The following NTRK2 variants were observed in gnomAD, a reference collection of about 807,000 sequenced individuals.
NTRK2 encodes the protein neurotrophic receptor tyrosine kinase 2, also known as BDNF/NT-3 growth factors receptor.
A neutral mutation model predicts 94.5 loss-of-function variants in NTRK2; 13 were observed. That is an observed-to-expected ratio of 0.14 (90% confidence interval 0.09 to 0.22). NTRK2 has a LOEUF of 0.22. NTRK2 is among the 10% of genes least tolerant of loss of function. The pLI is 1.00. For synonymous variants in NTRK2, 372 were observed against 407.4 expected (o/e 0.91, Z 1.05); for missense variants, 639 against 1,071.2 (o/e 0.60, Z 5.63).
intron 14 of NTRK2, chr9:84,876,166 G>A: frequency 1.1e-5 from 11 of 1,040,736 alleles, no homozygotes; most frequent in Non-Finnish European, 1.3e-5. Context: ...AGATAATAAT[G>A]GCATTTGGAC....
intron 14 of NTRK2, among the ~76,000 whole-genome samples, chr9:84,912,909 C>A (rs1025336297): frequency 6.6e-6 from 1 of 152,142 alleles, no homozygotes; most frequent in African/African-American, 2.4e-5. Flanking sequence ...AGCCACTGCA[C>A]CCGGCCTAAC....
At chr9:84,724,396 A>C in intron 8 of NTRK2, 40 bp downstream of exon 8, 1 of 1,613,464 alleles carries the variant, frequency 6.2e-7, no homozygotes, top group Non-Finnish European at 8.5e-7. Flanking sequence ...ATAGCAAATG[A>C]TCATGGACGT....
At chr9:84,796,293 C>T (rs1174415049) in intron 12 of NTRK2, among the ~76,000 whole-genome samples, 1 of 152,072 alleles carries the variant, frequency 6.6e-6, no homozygotes, top group Non-Finnish European at 1.5e-5. Context: ...TGCCTCAAGA[C>T]CTTAAAACTA....
intron 17 of NTRK2, among the ~76,000 whole-genome samples, chr9:84,971,963 G>C: frequency 6.6e-6 from 1 of 152,128 alleles, no homozygotes; most frequent in East Asian, 1.9e-4. Flanking sequence ...ACCTTGTTTT[G>C]GAATGGTCTG....
chr9:84,872,301 A>G, intron 14 of NTRK2: 4 of 1,112,456 alleles, frequency 3.6e-6, no homozygotes, highest in Non-Finnish European at 4.4e-6. Flanking sequence ...GCTGAAACAA[A>G]CAAACAGAAA....
rs576789405 is a variant in NTRK2, at chr9:84,739,707, A to G, written c.1160-2185A>G. 2.0e-5 allele frequency among the ~76,000 whole-genome samples: 3 copies of G among 152,052 alleles called. No homozygotes were observed. The East Asian group carries it at 5.8e-4, about 29-fold the overall frequency. On this transcript the variant is annotated intron_variant, in intron 9 of 18. Coordinates refer to ENST00000277120, the MANE Select transcript of NTRK2 (RefSeq NM_006180.6). ...GGGCCTGAGAATAAATCAGTGGCCA[A>G]CTCCTCCCAGGCTAAGGAGTGAAAG...
intron 14 of NTRK2, among the ~76,000 whole-genome samples, chr9:84,925,201 C>CTTTTT (rs562875058): frequency 0.033 from 4,651 of 141,066 alleles, 110 homozygotes; most frequent in Admixed American, 0.053. Flanking sequence ...TTCTCTTCTT[C>CTTTTT]TTTTTTTTTT....
rs182698240 is a variant in NTRK2, at chr9:84,823,620, G to A, written c.1397-37420G>A. ...GTGGAGGAGAATGCCCCATGCACAG[G>A]ATAGGGCTGCCCCTAGCCCAGCCCA... On this transcript the variant is annotated intron_variant, in intron 12 of 18. Transcript: ENST00000277120. 2.4e-3 allele frequency among the ~76,000 whole-genome samples: 372 copies of A among 152,372 alleles called. 4 individuals carry two copies. The highest frequency in any genetic ancestry group is 0.02 in the Admixed American group (311 of 15,302).
chr9:84,899,280 A>T (rs1383235598), intron 14 of NTRK2, among the ~76,000 whole-genome samples: 1 of 152,232 alleles, frequency 6.6e-6, no homozygotes, highest in East Asian at 1.9e-4. Context: ...AAATTATCTT[A>T]TCTAATTAGA....
intron 17 of NTRK2, among the ~76,000 whole-genome samples, chr9:84,982,201 G>A (rs1434546137): frequency 6.6e-6 from 1 of 152,288 alleles, no homozygotes; most frequent in Non-Finnish European, 1.5e-5. Flanking sequence ...CCTTTAGCTA[G>A]GGTTGCTTTT....
intron 17 of NTRK2, among the ~76,000 whole-genome samples, chr9:84,998,561 G>A (rs115193321): frequency 0.029 from 4,386 of 152,268 alleles, 153 homozygotes; most frequent in African/African-American, 0.075. Context: ...TGCCTCCACG[G>A]CCAAGGGGAA....
intron 14 of NTRK2, among the ~76,000 whole-genome samples, chr9:84,880,697 AAT>A (rs1393310215): frequency 7.9e-5 from 12 of 152,246 alleles, no homozygotes; most frequent in Admixed American, 7.8e-4. Flanking sequence ...CATGTTGACC[AAT>A]ATCTCATATA....
chr9:84,870,537 A>C (rs1489823585), intron 14 of NTRK2, among the ~76,000 whole-genome samples: 2 of 150,588 alleles, frequency 1.3e-5, no homozygotes, highest in African/African-American at 2.4e-5. Flanking sequence ...TTTTTTGTAG[A>C]GATATGGTTC....
At chr9:84,814,308 G>A in intron 12 of NTRK2, 1 of 1,065,410 alleles carries the variant, frequency 9.4e-7, no homozygotes. Context: ...CTTCAGGGGT[G>A]TGTGGAGTAA....
chr9:84,860,153 G>A (rs1024204953), intron 12 of NTRK2, among the ~76,000 whole-genome samples: 3 of 152,144 alleles, frequency 2.0e-5, no homozygotes, highest in Admixed American at 2.0e-4. Flanking sequence ...TTATGACAGA[G>A]GAGGGAAACA....
At chr9:84,778,519 G>A (rs1427711691) in intron 12 of NTRK2, among the ~76,000 whole-genome samples, 2 of 152,186 alleles carry the variant, frequency 1.3e-5, no homozygotes, top group East Asian at 1.9e-4. Flanking sequence ...TGCCTGCATC[G>A]TTGGTTGGAC....
chr9:84,826,884 G>A (rs1259776615), intron 12 of NTRK2, among the ~76,000 whole-genome samples: 1 of 152,158 alleles, frequency 6.6e-6, no homozygotes, highest in Non-Finnish European at 1.5e-5. Flanking sequence ...AAAACACTTT[G>A]AAGGAGTTTT....
At chr9:84,769,773 T>G (rs918104907) in intron 12 of NTRK2, among the ~76,000 whole-genome samples, 2 of 152,202 alleles carry the variant, frequency 1.3e-5, no homozygotes, top group Non-Finnish European at 1.5e-5. Context: ...GAGGAGCTCA[T>G]TTTTTGATGC....
intron 14 of NTRK2, among the ~76,000 whole-genome samples, chr9:84,909,688 C>T (rs1296164119): frequency 6.6e-6 from 1 of 152,090 alleles, no homozygotes; most frequent in African/African-American, 2.4e-5. Flanking sequence ...TAATTATTTT[C>T]AACATCTTTT....
Sources: gnomAD v4.1 joint callset for allele counts (sites outside exome capture counted in the v4.1 genomes callset) on GRCh38, gnomAD v4.1.1 for gene constraint, MANE v1.5 for transcripts, NCBI Gene and HGNC (gene_info 2026-07-23, HGNC 2026-07-21) for gene names.